Variants in TMEM18 observed in about 807,000 individuals in gnomAD.
The protein encoded by TMEM18 is transmembrane protein 18.
Under a neutral mutation model 17.4 loss-of-function variants are expected in TMEM18, and 14 were observed. The ratio of observed to expected loss-of-function variants is 0.80; its 90% CI spans 0.53 to 1.25. The LOEUF (loss-of-function observed/expected upper bound fraction) is 1.25. TMEM18 is among the 50% of genes most tolerant of loss of function. TMEM18 has a pLI of 0.00. For synonymous variants in TMEM18, 86 were observed against 66.1 expected (o/e 1.30, Z -1.46); for missense variants, 187 against 172.1 (o/e 1.09, Z -0.48).
In TMEM18 at chr2:666,589, C is replaced by T. The variant is rs370013938; in HGVS notation, c.*2991G>A. On this transcript the variant is annotated 3_prime_UTR_variant, in exon 5 of 5. Coordinates refer to ENST00000281017, the MANE Select transcript of TMEM18 (RefSeq NM_152834.4). The stretch of plus-strand genomic sequence containing the variant: ...CACCCACAGCCTGCGTGGGCCTCGC[C>T]GCCCCATCCTGCCTTCCCTGTGCAG... 2.1e-4 allele frequency among the ~76,000 whole-genome samples: 32 copies of T among 152,266 alleles called. No homozygotes were observed. In the East Asian group the frequency reaches 3.7e-3, roughly 17 times the overall value.
intron 1 of TMEM18, chr2:676,138 C>A: frequency 9.0e-6 from 12 of 1,326,600 alleles, no homozygotes; most frequent in Non-Finnish European, 1.2e-5. Context: ...GCCATCGCCA[C>A]GTGCAAGACT....
chr2:675,721 G>T (rs769374990), intron 1 of TMEM18, 91 bp from the exon 2 acceptor site: 33 of 1,556,490 alleles, frequency 2.1e-5, no homozygotes, highest in Non-Finnish European at 2.9e-5. Flanking sequence ...GCAGGAGGCA[G>T]GGGCCTCTCA....
chr2:674,617 T>G (rs1315608441), intron 2 of TMEM18, among the ~76,000 whole-genome samples: 1 of 152,248 alleles, frequency 6.6e-6, no homozygotes, highest in Non-Finnish European at 1.5e-5. Flanking sequence ...AGCGCCTCAC[T>G]TGCATAGGCC....
rs189833008 is a variant in TMEM18 at position 672,378 on chromosome 2, G to A, written c.233+430C>T. ...GGTGCCCCCCGACATCAGGATGTGGGGCTGGGGATGAGGCAGGCAGGTGCC... is the reference window on the plus strand; with the variant it reads ...GGTGCCCCCCGACATCAGGATGTGGAGCTGGGGATGAGGCAGGCAGGTGCC... On this transcript the variant is annotated intron_variant, in intron 3 of 4. Transcript: ENST00000281017. Among the ~76,000 whole-genome samples the A allele has an allele frequency of 2.1e-4, 32 of 152,212 alleles. No homozygotes were observed. The East Asian group carries it at 3.1e-3, about 15-fold the overall frequency.
intron 2 of TMEM18, among the ~76,000 whole-genome samples, chr2:673,966 C>T (rs921016450): frequency 1.3e-5 from 2 of 152,084 alleles, no homozygotes; most frequent in Non-Finnish European, 2.9e-5. Context: ...AGGTGCTCCT[C>T]CTCAGCTATT....
Position 668,485 on chromosome 2 carries a change from A to G in TMEM18, c.*1095T>C, listed in dbSNP as rs1261572508. The G allele has an allele frequency of 6.6e-6, 1 of 152,238 alleles. No individual in the cohort carries two copies. Among genetic ancestry groups the G allele is most frequent in the East Asian group, 1.9e-4 (1 of 5,198 alleles). The allele number at this position is 152,238 out of a possible 1,614,324, so 9.4% of individuals were successfully genotyped here. On this transcript the variant is annotated 3_prime_UTR_variant, in exon 5 of 5. Transcript: ENST00000281017. Reference sequence around the variant, plus strand: ...CTTGGCTGGTGAGCTCTGCACCTCAACATTCTCTTCCCAGGCTTGTCTAAT... The same window carrying G: ...CTTGGCTGGTGAGCTCTGCACCTCAGCATTCTCTTCCCAGGCTTGTCTAAT...
Position 675,597 on chromosome 2 carries a change from G to A in TMEM18, c.91C>T (p.Leu31=). ...ACGCAGAGCGCGTGGAAGGTGGCCA[G>A]CCCCATGAGCCAGGGCTCAGTCCAG... ...TDWTEPWLMG[L]ATFHALCVLL... is the part of the protein sequence containing the mutation. Residue 31 remains leucine, a synonymous_variant, in exon 2 of 5, where the codon CTG becomes TTG. Coordinates refer to ENST00000281017, the MANE Select transcript of TMEM18 (RefSeq NM_152834.4). The A allele has an allele frequency of 6.2e-7, 1 of 1,614,156 alleles. No individual in the cohort carries two copies. Among genetic ancestry groups the A allele is most frequent in the Non-Finnish European group, 8.5e-7 (1 of 1,180,040 alleles).
intron 2 of TMEM18, among the ~76,000 whole-genome samples, chr2:673,533 T>C (rs1437439974): frequency 6.6e-6 from 1 of 152,194 alleles, no homozygotes; most frequent in Non-Finnish European, 1.5e-5. Flanking sequence ...TAAAATATGA[T>C]TCGGCAAATT....
Position 677,157 on chromosome 2 carries a change from G to A in TMEM18, c.57+132C>T, listed in dbSNP as rs1206772533. On this transcript the variant is annotated intron_variant, in intron 1 of 4. Transcript: ENST00000281017. ...CACAGGTCTCAGGACCCTGCCCAGCGCGCGCGCTCCGCCACAAGGCCCCGC... is the reference window on the plus strand; with the variant it reads ...CACAGGTCTCAGGACCCTGCCCAGCACGCGCGCTCCGCCACAAGGCCCCGC... The A allele has an allele frequency of 4.2e-6, 5 of 1,183,674 alleles. No individual in the cohort carries two copies. In the South Asian group the frequency reaches 6.5e-5, roughly 15 times the overall value. The allele number at this position is 1,183,674 out of a possible 1,614,324, so 73.3% of individuals were successfully genotyped here. A position where few individuals can be genotyped will look rare whatever the true frequency, so the allele number is the denominator to read the frequency against.
Position 669,194 on chromosome 2 carries a change from G to C in TMEM18, c.*386C>G. 1 of 172,702 alleles carries C rather than the reference G, an allele frequency of 5.8e-6. No homozygotes were observed. The highest frequency in any genetic ancestry group is 1.5e-4 in the South Asian group (1 of 6,500). 10.7% of individuals were successfully genotyped at this position (172,702 alleles called of 1,614,324 possible). A position where few individuals can be genotyped will look rare whatever the true frequency, so the allele number is the denominator to read the frequency against. On this transcript the variant is annotated 3_prime_UTR_variant, in exon 5 of 5. Transcript: ENST00000281017. The stretch of plus-strand genomic sequence containing the variant: ...ACTAGAAAACACAGCACGAGGAGGA[G>C]GGCATGGTGCCCATGTACAGGTGGC...
In TMEM18 at chr2:667,432, C is replaced by T. The variant is rs968732963; in HGVS notation, c.*2148G>A. ...TAATTTTGATCCCAAACCTCCTTTC[C>T]TGTACTTTATCAGTAGAGTAAAAAC... On this transcript the variant is annotated 3_prime_UTR_variant, in exon 5 of 5. Coordinates refer to ENST00000281017, the MANE Select transcript of TMEM18 (RefSeq NM_152834.4). 2.0e-5 allele frequency: 3 copies of T among 152,306 alleles called. No homozygotes were observed. The highest frequency in any genetic ancestry group is 3.4e-3 in the Middle Eastern group (1 of 294). The allele number at this position is 152,306 out of a possible 1,614,324, so 9.4% of individuals were successfully genotyped here. A position where few individuals can be genotyped will look rare whatever the true frequency, so the allele number is the denominator to read the frequency against.
chr2:677,233 C>CCTA, intron 1 of TMEM18, 56 bp downstream of exon 1: 1 of 1,571,440 alleles, frequency 6.4e-7, no homozygotes. Flanking sequence ...TGGGGCCTAC[C>CCTA]CTACGCCTCT....
rs761763792 is a variant in TMEM18 at position 669,836 on chromosome 2, T to C, written c.248A>G (p.Tyr83Cys). The C allele has an allele frequency of 1.2e-6, 2 of 1,611,890 alleles. No homozygotes were observed. The highest frequency in any genetic ancestry group is 1.3e-5 in the African/African-American group (1 of 74,776). The stretch of plus-strand genomic sequence containing the variant: ...CATCCCCCTGGAGTCGAAATACTGG[T>C]ATTTCGAAAATAATCTGTTTAAAAA... ...AAMNWRLFSK[Y>C]QYFDSRGMFI... The change falls in exon 4 of 5, where the codon TAC becomes TGC. Residue 83 changes from tyrosine to cysteine, a missense_variant. Coordinates refer to ENST00000281017, the MANE Select transcript of TMEM18 (RefSeq NM_152834.4).
intron 2 of TMEM18, among the ~76,000 whole-genome samples, chr2:675,128 T>C (rs1255025635): frequency 6.6e-6 from 1 of 152,250 alleles, no homozygotes; most frequent in East Asian, 1.9e-4. Context: ...CAATGCCTTA[T>C]TTTATGCACA....
At chr2:677,223 T>TG in intron 1 of TMEM18, 66 bp downstream of exon 1, 1 of 1,555,450 alleles carries the variant, frequency 6.4e-7, no homozygotes, top group Non-Finnish European at 8.7e-7. Context: ...GGGTGCTCTG[T>TG]GGGGCCTACC....
In TMEM18 at chr2:675,648, C is replaced by G; in HGVS notation, c.58-18G>C. 1 of 1,612,270 alleles carries G rather than the reference C, an allele frequency of 6.2e-7. No individual in the cohort carries two copies. Among genetic ancestry groups the G allele is most frequent in the Non-Finnish European group, 8.5e-7 (1 of 1,179,744 alleles). Reference sequence around the variant, plus strand: ...TCCGTCTGCTGTAGGAACACACCAGCAGACACTCACTGTCCTGCCACTCAA... The same window carrying G: ...TCCGTCTGCTGTAGGAACACACCAGGAGACACTCACTGTCCTGCCACTCAA... On this transcript the variant is annotated intron_variant, in intron 1 of 4. Coordinates refer to ENST00000281017, the MANE Select transcript of TMEM18 (RefSeq NM_152834.4).
chr2:674,567 C>T (rs1678945053), intron 2 of TMEM18, among the ~76,000 whole-genome samples: 1 of 152,210 alleles, frequency 6.6e-6, no homozygotes, highest in South Asian at 2.1e-4. Context: ...TGGTCCACTC[C>T]AGCACTCCTC....
Position 677,149 on chromosome 2 carries a change from T to C in TMEM18, c.57+140A>G, listed in dbSNP as rs992168329. The C allele has an allele frequency of 1.7e-3, 1,862 of 1,106,322 alleles. 5 individuals carry two copies. Among genetic ancestry groups the C allele is most frequent in the Non-Finnish European group, 2.3e-3 (1,720 of 762,036 alleles). The allele number at this position is 1,106,322 out of a possible 1,614,324, so 68.5% of individuals were successfully genotyped here. On this transcript the variant is annotated intron_variant, in intron 1 of 4. Transcript: ENST00000281017. ...GCCACTCCCACAGGTCTCAGGACCCTGCCCAGCGCGCGCGCTCCGCCACAA... is the reference window on the plus strand; with the variant it reads ...GCCACTCCCACAGGTCTCAGGACCCCGCCCAGCGCGCGCGCTCCGCCACAA...
chr2:676,970 G>T (rs1659263254), intron 1 of TMEM18, among the ~76,000 whole-genome samples: 4 of 151,510 alleles, frequency 2.6e-5, no homozygotes, highest in Admixed American at 2.6e-4. Flanking sequence ...AGCTCACTGC[G>T]CACGCTCCTC....
Sources: gnomAD v4.1 joint callset for allele counts (sites outside exome capture counted in the v4.1 genomes callset) on GRCh38, gnomAD v4.1.1 for gene constraint, MANE v1.5 for transcripts, NCBI Gene and HGNC (gene_info 2026-07-23, HGNC 2026-07-21) for gene names.